DPP10: variants seen among roughly 807,000 people sequenced by gnomAD.
DPP10 encodes inactive dipeptidyl peptidase 10.
A neutral mutation model predicts 120.9 loss-of-function variants in DPP10; 33 were observed. That is an observed-to-expected ratio of 0.27 (90% CI 0.21 to 0.37). DPP10 has a LOEUF of 0.37. DPP10 is among the 10% of genes least tolerant of loss of function. The pLI, the probability that DPP10 is intolerant of heterozygous loss-of-function variation, is 1.00. For synonymous variants in DPP10, 337 were observed against 326.1 expected (o/e 1.03, Z -0.36); for missense variants, 816 against 942.8 (o/e 0.87, Z 1.76).
At position 115,026,752 on chromosome 2, in the gene DPP10, C is replaced by T. The variant is rs147630432; in HGVS notation, c.61-282487C>T. 3.3e-3 allele frequency among the ~76,000 whole-genome samples: 499 copies of T among 152,088 alleles called. 3 individuals carry two copies. Among genetic ancestry groups the T allele is most frequent in the African/African-American group, 0.012 (479 of 41,516 alleles). On this transcript the variant is annotated intron_variant, in intron 1 of 25. Transcript: ENST00000410059. ...GGGTTTTATCATGTTGGCCAGGCTG[C>T]TCTCAAACTCCTGGCCCCATGCAAT... is the stretch of plus-strand genomic sequence containing the variant.
intron 1 of DPP10, among the ~76,000 whole-genome samples, chr2:114,614,829 A>T (rs1297081806): frequency 6.6e-6 from 1 of 152,178 alleles, no homozygotes; most frequent in East Asian, 1.9e-4. Flanking sequence ...AAATTCCTTA[A>T]TGATAGCAAA....
chr2:115,840,189 T>C lies in DPP10; in HGVS notation c.2183-561T>C, dbSNP rs528605725. On this transcript the variant is annotated intron_variant, in intron 24 of 25. Transcript: ENST00000410059. ...CCAGTAAAGTAAATATAAACACCAT[T>C]CTGTAGAGTAAGTAGGACTTAGTTG... 1.3e-3 allele frequency among the ~76,000 whole-genome samples: 198 copies of C among 151,758 alleles called. 1 individual carries two copies. The highest frequency in any genetic ancestry group is 4.4e-3 in the African/African-American group (184 of 41,484).
At chr2:115,743,418 G>T (rs1677537536) in intron 9 of DPP10, among the ~76,000 whole-genome samples, 1 of 152,104 alleles carries the variant, frequency 6.6e-6, no homozygotes, top group African/African-American at 2.4e-5. Context: ...CCTTAAAGAT[G>T]ATAACTGATA....
intron 1 of DPP10, among the ~76,000 whole-genome samples, chr2:114,934,999 A>G (rs538011208): frequency 6.6e-6 from 1 of 152,284 alleles, no homozygotes; most frequent in Non-Finnish European, 1.5e-5. Context: ...CTGAGCCTTT[A>G]ATGAATGCCA....
At chr2:115,569,942 A>ATGAAT (rs2081243144) in intron 5 of DPP10, among the ~76,000 whole-genome samples, 1 of 152,156 alleles carries the variant, frequency 6.6e-6, no homozygotes, top group Admixed American at 6.5e-5. Context: ...TTAAAATTAG[A>ATGAAT]TAAAAATAAT....
chr2:115,459,558 A>G (rs2073855100), intron 3 of DPP10, among the ~76,000 whole-genome samples: 1 of 152,094 alleles, frequency 6.6e-6, no homozygotes, highest in Non-Finnish European at 1.5e-5. Flanking sequence ...CATGCAGGCA[A>G]TATTAGCATT....
chr2:114,751,822 G>A (rs1221260866), intron 1 of DPP10, among the ~76,000 whole-genome samples: 3 of 152,158 alleles, frequency 2.0e-5, no homozygotes, highest in Non-Finnish European at 4.4e-5. Context: ...CTCTTCTCCT[G>A]CCCCGTGATT....
rs1019084369 is a variant in DPP10 at position 114,606,586 on chromosome 2, G to A, written c.60+163748G>A. Among the ~76,000 whole-genome samples the A allele has an allele frequency of 8.5e-5, 13 of 152,232 alleles. No homozygotes were observed. In the South Asian group the frequency reaches 2.7e-3, roughly 32 times the overall value. On this transcript the variant is annotated intron_variant, in intron 1 of 25. Transcript: ENST00000410059. ...TTCGGACCAGTCTAGAGTACAATGA[G>A]TGGGAATGACAGTCTGGAAGGGGAG...
intron 1 of DPP10, among the ~76,000 whole-genome samples, chr2:114,860,628 A>G (rs1689736745): frequency 1.3e-5 from 2 of 152,226 alleles, no homozygotes; most frequent in East Asian, 3.8e-4. Flanking sequence ...GCTGAAATTC[A>G]GCATTAAAAA....
At chr2:115,496,177 A>T (rs1345638832) in intron 3 of DPP10, among the ~76,000 whole-genome samples, 2 of 152,116 alleles carry the variant, frequency 1.3e-5, no homozygotes, top group African/African-American at 4.8e-5. Flanking sequence ...AGACCAGATT[A>T]TAAAGAACAA....
chr2:115,511,369 T>C (rs1381841655), intron 4 of DPP10, among the ~76,000 whole-genome samples: 3 of 152,162 alleles, frequency 2.0e-5, no homozygotes, highest in Non-Finnish European at 4.4e-5. Context: ...AGCAATTTTA[T>C]AGTATTCTGT....
At chr2:115,453,257 A>G (rs983906719) in intron 3 of DPP10, among the ~76,000 whole-genome samples, 1 of 151,464 alleles carries the variant, frequency 6.6e-6, no homozygotes, top group African/African-American at 2.4e-5. Context: ...ACATTTTTAA[A>G]TATTGATTAT....
chr2:115,565,481 G>A (rs1028234577), intron 5 of DPP10, among the ~76,000 whole-genome samples: 2 of 152,014 alleles, frequency 1.3e-5, no homozygotes, highest in Non-Finnish European at 1.5e-5. Context: ...TACGTAAAAT[G>A]TTATCACCAA....
At chr2:114,923,377 T>C (rs562509076) in intron 1 of DPP10, among the ~76,000 whole-genome samples, 7 of 151,586 alleles carry the variant, frequency 4.6e-5, no homozygotes, top group African/African-American at 1.7e-4. Context: ...AGAGGTAGGG[T>C]TTCACCATGT....
At chr2:114,641,417 G>A (rs780361439) in intron 1 of DPP10, among the ~76,000 whole-genome samples, 2 of 151,880 alleles carry the variant, frequency 1.3e-5, no homozygotes, top group Admixed American at 6.5e-5. Flanking sequence ...GAAAAGGCAC[G>A]AATGGTGCTG....
At chr2:114,604,549 C>A (rs1692637227) in intron 1 of DPP10, among the ~76,000 whole-genome samples, 1 of 152,090 alleles carries the variant, frequency 6.6e-6, no homozygotes, top group Non-Finnish European at 1.5e-5. Flanking sequence ...ACTAGAGAAG[C>A]CTCACATGGA....
intron 5 of DPP10, among the ~76,000 whole-genome samples, chr2:115,616,324 A>G (rs921952807): frequency 6.6e-6 from 1 of 152,062 alleles, no homozygotes; most frequent in Admixed American, 6.6e-5. Flanking sequence ...AGGGCCCAGT[A>G]TAGTTTTCTG....
chr2:114,973,098 A>G (rs1699504357), intron 1 of DPP10, among the ~76,000 whole-genome samples: 1 of 152,166 alleles, frequency 6.6e-6, no homozygotes, highest in East Asian at 1.9e-4. Flanking sequence ...AATTTCATGT[A>G]TGACAGTGGT....
intron 1 of DPP10, among the ~76,000 whole-genome samples, chr2:114,747,921 C>T (rs947094940): frequency 2.0e-5 from 3 of 152,148 alleles, no homozygotes; most frequent in Non-Finnish European, 2.9e-5. Flanking sequence ...ACTCAAATTA[C>T]GGTCTATCAG....
Sources: allele counts gnomAD v4.1 joint callset (sites outside exome capture counted in the v4.1 genomes callset), GRCh38; gene constraint gnomAD v4.1.1; transcripts MANE v1.5; gene names NCBI Gene and HGNC (gene_info 2026-07-23, HGNC 2026-07-21).